Variants in PPARA observed in about 807,000 individuals in gnomAD.
PPARA encodes the protein peroxisome proliferator-activated receptor alpha.
A neutral mutation model predicts 42.2 loss-of-function variants in PPARA; 22 were observed. The observed-to-expected ratio is 0.52, with a 90% CI of 0.37 to 0.74. The LOEUF (loss-of-function observed/expected upper bound fraction) is 0.74, where lower values mean the gene tolerates loss of function less well. PPARA is among the 30% of genes least tolerant of loss of function. The pLI is 0.00. For missense variants in PPARA, 465 were observed against 608.2 expected (o/e 0.76, Z 2.48); for synonymous variants, 242 against 239.3 (o/e 1.01, Z -0.10).
chr22:46,195,505 G>A lies in PPARA; in HGVS notation c.-42-2837G>A, dbSNP rs1270549533. On this transcript the variant is annotated intron_variant, in intron 3 of 8. Transcript: ENST00000407236. The surrounding 1 kb of genome is among the most constrained non-coding windows in gnomAD (Gnocchi z 4.6). ...CTGTGTGCTATTTGATGATTTCCCT[G>A]TGAACTTTGATGATTTATTGCCAGA... Among the ~76,000 whole-genome samples the A allele has an allele frequency of 1.3e-5, 2 of 152,128 alleles. No homozygotes were observed. Among genetic ancestry groups the A allele is most frequent in the Non-Finnish European group, 2.9e-5 (2 of 68,022 alleles).
chr22:46,219,959 A>G lies in PPARA; in HGVS notation c.656A>G (p.Asn219Ser), dbSNP rs1934864005. The G allele has an allele frequency of 1.2e-6, 2 of 1,614,132 alleles. No homozygotes were observed. Among genetic ancestry groups the G allele is most frequent in the East Asian group, 2.2e-5 (1 of 44,904 alleles). Residue 219 changes from asparagine (N) to serine (S), a missense_variant, in exon 7 of 9, where the codon AAC becomes AGC. Asn to Ser is a conservative substitution (Grantham distance 46). Transcript: ENST00000407236. This position sits in a 1 kb window ranked among gnomAD's most constrained non-coding sequence, Gnocchi z 4.8. ...TACGAGGCCTACTTGAAGAACTTCA[A>G]CATGAACAAGGTCAAAGCCCGGGTC... ...RIYEAYLKNF[N>S]MNKVKARVIL...
Position 46,240,129 on chromosome 22 carries a change from T to C in PPARA, c.*4749T>C. On this transcript the variant is annotated 3_prime_UTR_variant, in exon 9 of 9. Coordinates refer to ENST00000407236, the MANE Select transcript of PPARA (RefSeq NM_005036.6). The surrounding 1 kb of genome is among the most constrained non-coding windows in gnomAD (Gnocchi z 6.0). ...TCAACAGCTGGTACCTCTTCAACAG[T>C]GTGGCCTTTCAAAATGCAGATGCCA... 1 of 398,734 alleles carries C rather than the reference T, an allele frequency of 2.5e-6. No individual in the cohort carries two copies. The allele number at this position is 398,734 out of a possible 1,614,324, so 24.7% of individuals were successfully genotyped here.
intron 2 of PPARA, among the ~76,000 whole-genome samples, chr22:46,154,014 A>G (rs998701609): frequency 1.3e-5 from 2 of 152,218 alleles, no homozygotes; most frequent in Non-Finnish European, 2.9e-5. Flanking sequence ...TGAAATGTCT[A>G]TATAATATCC....
intron 3 of PPARA, among the ~76,000 whole-genome samples, chr22:46,189,331 C>CT (rs1048911386): frequency 6.6e-5 from 10 of 152,208 alleles, no homozygotes; most frequent in African/African-American, 2.2e-4. Flanking sequence ...AGGGAGTTTT[C>CT]TTGGAAATGG....
chr22:46,172,006 G>A (rs1356530668), intron 2 of PPARA, among the ~76,000 whole-genome samples: 1 of 152,158 alleles, frequency 6.6e-6, no homozygotes, highest in Non-Finnish European at 1.5e-5. Context: ...AGGCTCCACC[G>A]CGTTGGGTGT....
chr22:46,213,297 G>A (rs889051848), intron 4 of PPARA, among the ~76,000 whole-genome samples: 2 of 152,032 alleles, frequency 1.3e-5, no homozygotes, highest in South Asian at 2.1e-4. Context: ...TCAGTGCCCC[G>A]ATGACATATC....
intron 4 of PPARA, among the ~76,000 whole-genome samples, chr22:46,202,538 A>G (rs911472459): frequency 3.3e-5 from 5 of 152,030 alleles, no homozygotes; most frequent in African/African-American, 1.2e-4. Context: ...GGAGTTCGAG[A>G]CCAACCTGGC....
Position 46,218,295 on chromosome 22 carries a change from G to C in PPARA, c.402G>C (p.Leu134=). Residue 134 remains leucine (L), a synonymous_variant, in exon 6 of 9, where the codon CTG becomes CTC. Coordinates refer to ENST00000407236, the MANE Select transcript of PPARA (RefSeq NM_005036.6). ...TTCGGCGAACGATTCGACTCAAGCTGGTGTATGACAAGTGCGACCGCAGCT... is the reference window on the plus strand; with the variant it reads ...TTCGGCGAACGATTCGACTCAAGCTCGTGTATGACAAGTGCGACCGCAGCT... ...GFFRRTIRLK[L]VYDKCDRSCK... 6.2e-7 allele frequency: 1 copy of C among 1,614,050 alleles called. No individual in the cohort carries two copies. Among genetic ancestry groups the C allele is most frequent in the Non-Finnish European group, 8.5e-7 (1 of 1,180,014 alleles).
chr22:46,179,057 G>A (rs1180460002), intron 3 of PPARA, among the ~76,000 whole-genome samples: 1 of 152,160 alleles, frequency 6.6e-6, no homozygotes, highest in Non-Finnish European at 1.5e-5. Flanking sequence ...ATGAAGCAAG[G>A]CAAAGAGCCT....
rs992127084 is a variant in PPARA at position 46,224,973 on chromosome 22, G to GT, written c.711+4959_711+4960insT. On this transcript the variant is annotated intron_variant, in intron 7 of 8. Transcript: ENST00000407236. The surrounding 1 kb of genome is among the most constrained non-coding windows in gnomAD (Gnocchi z 5.7). ...TGAGCTGGAACAGGCTAGAATGCTG[G>GT]GGGGGGGCCTGAAACCGGTGGGGGA... is the stretch of plus-strand genomic sequence containing the variant. Among the ~76,000 whole-genome samples the GT allele has an allele frequency of 1.3e-3, 6 of 4,548 alleles. No individual in the cohort carries two copies. In the Non-Finnish European group the frequency reaches 0.02, roughly 15 times the overall value. 3.0% of individuals were successfully genotyped at this position (4,548 alleles called of 152,430 possible).
Position 46,230,573 on chromosome 22 carries a change from G to A in PPARA, c.712-1219G>A, listed in dbSNP as rs1052613522. Among the ~76,000 whole-genome samples the A allele has an allele frequency of 1.3e-5, 2 of 152,120 alleles. No individual in the cohort carries two copies. Among genetic ancestry groups the A allele is most frequent in the African/African-American group, 4.8e-5 (2 of 41,416 alleles). Reference sequence around the variant, plus strand: ...CATGTAATCCCTTCTGAGCATGTTGGCTTCAAATAATATGGCCAGCCACCT... The same window carrying A: ...CATGTAATCCCTTCTGAGCATGTTGACTTCAAATAATATGGCCAGCCACCT... On this transcript the variant is annotated intron_variant, in intron 7 of 8. Transcript: ENST00000407236. The surrounding 1 kb of genome is among the most constrained non-coding windows in gnomAD (Gnocchi z 5.0).
chr22:46,213,714 C>T (rs1011647525), intron 4 of PPARA, among the ~76,000 whole-genome samples: 11 of 152,082 alleles, frequency 7.2e-5, no homozygotes, highest in African/African-American at 1.9e-4. Context: ...CTCAGCCTCC[C>T]GAGTAGCTGG....
chr22:46,174,236 GAGAA>G (rs1569196762), intron 2 of PPARA, among the ~76,000 whole-genome samples: 43 of 139,724 alleles, frequency 3.1e-4, no homozygotes, highest in African/African-American at 5.7e-4. Context: ...GAAAGAGAGA[GAGAA>G]AGAAAGAAAG....
At chr22:46,186,945 C>G (rs577478757) in intron 3 of PPARA, among the ~76,000 whole-genome samples, 1 of 152,224 alleles carries the variant, frequency 6.6e-6, no homozygotes, top group Admixed American at 6.5e-5. Flanking sequence ...TAAAATGGAA[C>G]AATTATAACA....
At chr22:46,186,228 A>G (rs979100157) in intron 3 of PPARA, among the ~76,000 whole-genome samples, 12 of 151,934 alleles carry the variant, frequency 7.9e-5, no homozygotes, top group Admixed American at 3.3e-4. Flanking sequence ...ACACTGCATC[A>G]TTTTATTTAA....
At chr22:46,209,264 T>TG (rs1933697952) in intron 4 of PPARA, among the ~76,000 whole-genome samples, 1 of 152,194 alleles carries the variant, frequency 6.6e-6, no homozygotes, top group South Asian at 2.1e-4. Flanking sequence ...GCTTCTAAAT[T>TG]TTTTTCTTTC....
In PPARA at chr22:46,242,727, GCGTGCACA is replaced by G. The variant is rs974320404; in HGVS notation, c.*7349_*7356del. ...TCTAAAATACACTGCGTACACGTGT[GCGTGCACA>G]CACACACACACACACACACACACAC... On this transcript the variant is annotated 3_prime_UTR_variant, in exon 9 of 9. Transcript: ENST00000407236. The surrounding 1 kb of genome is among the most constrained non-coding windows in gnomAD (Gnocchi z 6.1). The G allele has an allele frequency of 3.3e-5, 4 of 121,268 alleles. No homozygotes were observed. Among genetic ancestry groups the G allele is most frequent in the African/African-American group, 1.4e-4 (3 of 22,078 alleles). The allele number at this position is 121,268 out of a possible 1,614,324, so 7.5% of individuals were successfully genotyped here. A position where few individuals can be genotyped will look rare whatever the true frequency, so the allele number is the denominator to read the frequency against.
intron 7 of PPARA, among the ~76,000 whole-genome samples, chr22:46,228,949 A>C (rs1195621553): frequency 7.4e-6 from 1 of 135,390 alleles, no homozygotes; most frequent in Non-Finnish European, 1.5e-5. Flanking sequence ...CTAAAAATAC[A>C]AAAAAAAATG....
intron 6 of PPARA, 149 bp downstream of exon 6, chr22:46,218,550 T>C (rs2048770415): frequency 1.0e-5 from 14 of 1,376,078 alleles, no homozygotes; most frequent in Non-Finnish European, 1.4e-5. Context: ...AAAATAAAAG[T>C]CGCCCAGGCG....
Sources: allele counts gnomAD v4.1 joint callset (sites outside exome capture counted in the v4.1 genomes callset), GRCh38; gene constraint gnomAD v4.1.1; non-coding constraint Gnocchi (gnomAD v3.1); transcripts MANE v1.5; gene names NCBI Gene and HGNC (gene_info 2026-07-23, HGNC 2026-07-21).